ATP8A1: variants seen among roughly 807,000 people sequenced by gnomAD.
The protein encoded by ATP8A1 is ATPase phospholipid transporting 8A1.
ATP8A1 carries 90 observed loss-of-function variants against 177.7 expected under a neutral mutation model. The ratio of observed to expected loss-of-function variants is 0.51; its 90% CI spans 0.43 to 0.60. The LOEUF (loss-of-function observed/expected upper bound fraction) is 0.60. Among genes scored for constraint, ATP8A1 ranks in the 20% least tolerant of loss-of-function variants. The pLI is 0.00. For missense variants in ATP8A1, 1,072 were observed against 1,392.8 expected (o/e 0.77, Z 3.67); for synonymous variants, 493 against 485.9 (o/e 1.01, Z -0.19).
chr4:42,484,329 A>G (rs1236628893), intron 25 of ATP8A1, among the ~76,000 whole-genome samples: 2 of 152,210 alleles, frequency 1.3e-5, no homozygotes, highest in Non-Finnish European at 2.9e-5. Context: ...TTATTTGTTA[A>G]TACATACCAC....
At chr4:42,500,479 G>T (rs7685672) in intron 24 of ATP8A1, among the ~76,000 whole-genome samples, 6 of 152,056 alleles carry the variant, frequency 3.9e-5, no homozygotes, top group Non-Finnish European at 7.4e-5. Context: ...CAGCACTATA[G>T]AAAGTTATTC....
chr4:42,438,385 C>A (rs780647214), intron 33 of ATP8A1, among the ~76,000 whole-genome samples: 12 of 152,036 alleles, frequency 7.9e-5, no homozygotes, highest in Non-Finnish European at 1.6e-4. Flanking sequence ...GGCAACCATT[C>A]GTTTTCTGAT....
intron 19 of ATP8A1, among the ~76,000 whole-genome samples, chr4:42,544,831 G>A (rs2153207409): frequency 6.6e-6 from 1 of 152,258 alleles, no homozygotes; most frequent in East Asian, 1.9e-4. Flanking sequence ...GTATCATAGT[G>A]TACAGTCAGG....
rs372136208 is a variant in ATP8A1 at position 42,507,177 on chromosome 4, A to G, written c.1948-23T>C. On this transcript the variant is annotated intron_variant, in intron 22 of 36. Transcript: ENST00000381668. The stretch of plus-strand genomic sequence containing the variant: ...ATTCTGAAAAAAATTAGTGGTAGAA[A>G]TGTTTTAAAAATCCGTTCATATTCT... 9.9e-6 allele frequency: 16 copies of G among 1,610,410 alleles called. No individual in the cohort carries two copies. In the African/African-American group the frequency reaches 2.0e-4, roughly 20 times the overall value.
intron 33 of ATP8A1, among the ~76,000 whole-genome samples, chr4:42,443,336 G>C (rs1403596516): frequency 6.6e-6 from 1 of 151,940 alleles, no homozygotes; most frequent in African/African-American, 2.4e-5. Context: ...TTATTGTCTT[G>C]GTTATGTTTA....
chr4:42,452,379 G>T (rs1024028733), intron 29 of ATP8A1, among the ~76,000 whole-genome samples: 5 of 152,034 alleles, frequency 3.3e-5, no homozygotes, highest in Admixed American at 2.6e-4. Context: ...CCTTAAGTGG[G>T]ACTATTTTCA....
chr4:42,454,421 A>T (rs6818286), intron 29 of ATP8A1, among the ~76,000 whole-genome samples: 23,354 of 152,226 alleles, frequency 0.15, 2,222 homozygotes, highest in South Asian at 0.24. Flanking sequence ...ATTATCAGTA[A>T]CATGCTAATA....
chr4:42,617,190 A>T (rs1737006820), intron 4 of ATP8A1, among the ~76,000 whole-genome samples: 1 of 152,196 alleles, frequency 6.6e-6, no homozygotes, highest in Non-Finnish European at 1.5e-5. Flanking sequence ...GGACATGGCA[A>T]CACCCAAGAG....
intron 5 of ATP8A1, among the ~76,000 whole-genome samples, chr4:42,601,037 T>C (rs1419227142): frequency 2.2e-4 from 25 of 112,634 alleles, no homozygotes; most frequent in Admixed American, 1.4e-3. Context: ...AATTTTCTTT[T>C]TTTTTTTTTT....
At chr4:42,477,723 G>A (rs1309304853) in intron 25 of ATP8A1, among the ~76,000 whole-genome samples, 3 of 151,496 alleles carry the variant, frequency 2.0e-5, no homozygotes, top group Non-Finnish European at 2.9e-5. Flanking sequence ...TGTAATCACT[G>A]CACTTTGGGA....
intron 14 of ATP8A1, 135 bp from the exon 15 acceptor site, chr4:42,569,340 C>A (rs1731681492): frequency 5.8e-6 from 3 of 516,798 alleles, no homozygotes; most frequent in East Asian, 7.3e-5. Context: ...TTAGTTGAAT[C>A]TGAAAGAATG....
intron 33 of ATP8A1, among the ~76,000 whole-genome samples, chr4:42,434,720 G>A (rs7667930): frequency 0.15 from 22,850 of 152,142 alleles, 2,099 homozygotes; most frequent in East Asian, 0.23. Flanking sequence ...AAGTAGAAAC[G>A]TATTGGTAAT....
chr4:42,643,885 C>T (rs923784325), intron 1 of ATP8A1, among the ~76,000 whole-genome samples: 4 of 152,180 alleles, frequency 2.6e-5, no homozygotes, highest in Non-Finnish European at 5.9e-5. Flanking sequence ...CAGGAAGTCC[C>T]AGTGCCTTGT....
chr4:42,646,214 A>T (rs181168081), intron 1 of ATP8A1, among the ~76,000 whole-genome samples: 1 of 152,182 alleles, frequency 6.6e-6, no homozygotes, highest in Non-Finnish European at 1.5e-5. Flanking sequence ...TGAGCACTGG[A>T]GTCCAAGCTA....
chr4:42,499,206 G>A (rs1010760045), intron 24 of ATP8A1, among the ~76,000 whole-genome samples: 3 of 152,158 alleles, frequency 2.0e-5, no homozygotes, highest in African/African-American at 7.2e-5. Flanking sequence ...GGCTTCTCAG[G>A]AGTTAAGCTT....
chr4:42,553,314 T>C (rs1046846993), intron 16 of ATP8A1, among the ~76,000 whole-genome samples: 4 of 152,230 alleles, frequency 2.6e-5, no homozygotes, highest in African/African-American at 7.2e-5. Context: ...GCAATCTTAC[T>C]GCACTGGGGT....
At chr4:42,430,332 C>G (rs1011182060) in intron 33 of ATP8A1, among the ~76,000 whole-genome samples, 2 of 152,110 alleles carry the variant, frequency 1.3e-5, no homozygotes, top group African/African-American at 2.4e-5. Flanking sequence ...CTTAACAGAG[C>G]CCCCAGAGCA....
chr4:42,583,363 TAA>T (rs1733302247), intron 9 of ATP8A1, among the ~76,000 whole-genome samples: 1 of 152,200 alleles, frequency 6.6e-6, no homozygotes, highest in East Asian at 1.9e-4. Flanking sequence ...ATCTCAAGAT[TAA>T]GGGTGCATTT....
At chr4:42,651,712 T>A (rs1741114908) in intron 1 of ATP8A1, among the ~76,000 whole-genome samples, 1 of 152,204 alleles carries the variant, frequency 6.6e-6, no homozygotes, top group African/African-American at 2.4e-5. Context: ...AAAACTATTG[T>A]ACATGATGGC....
Sources: gnomAD v4.1 joint callset for allele counts (sites outside exome capture counted in the v4.1 genomes callset) on GRCh38, gnomAD v4.1.1 for gene constraint, MANE v1.5 for transcripts, NCBI Gene and HGNC (gene_info 2026-07-23, HGNC 2026-07-21) for gene names.